The following RBMS3 variants were observed in gnomAD, a reference collection of about 807,000 sequenced individuals.
RBMS3 encodes RNA-binding motif, single-stranded-interacting protein 3.
In RBMS3, 27 loss-of-function variants were observed where a neutral mutation model predicts 66.8. The observed-to-expected ratio is 0.40, with a 90% confidence interval of 0.30 to 0.56. RBMS3 has a LOEUF of 0.56. Ranked by LOEUF, RBMS3 falls within the 20% of genes least tolerant of loss-of-function variation. The pLI is 0.40. For missense variants in RBMS3, 513 were observed against 549.5 expected, an observed-to-expected ratio of 0.93 and a Z score of 0.66; for synonymous variants, 188 against 183.0, an observed-to-expected ratio of 1.03 and a Z score of -0.22.
intron 4 of RBMS3, among the ~76,000 whole-genome samples, chr3:29,652,199 A>G (rs1249863362): frequency 6.6e-6 from 1 of 152,174 alleles, no homozygotes; most frequent in Non-Finnish European, 1.5e-5. Flanking sequence ...ATGTACAGAG[A>G]TTAATGTGGT....
intron 4 of RBMS3, among the ~76,000 whole-genome samples, chr3:29,663,101 G>GTCATACAAT (rs2050618135): frequency 6.6e-6 from 1 of 152,114 alleles, no homozygotes; most frequent in Non-Finnish European, 1.5e-5. Context: ...AACAATGTCA[G>GTCATACAAT]TCATACAATG....
At chr3:29,725,423 C>T (rs1461358849) in intron 4 of RBMS3, among the ~76,000 whole-genome samples, 2 of 151,882 alleles carry the variant, frequency 1.3e-5, no homozygotes, top group Admixed American at 6.6e-5. Flanking sequence ...TCAGTGAATC[C>T]AGGAGCTGGT....
At chr3:29,384,684 T>G (rs2038929402) in intron 1 of RBMS3, among the ~76,000 whole-genome samples, 1 of 151,946 alleles carries the variant, frequency 6.6e-6, no homozygotes, top group Non-Finnish European at 1.5e-5. Flanking sequence ...ATGTCTGGAG[T>G]CTAAATATAA....
At chr3:29,894,466 C>T (rs1264250526) in intron 8 of RBMS3, among the ~76,000 whole-genome samples, 1 of 151,428 alleles carries the variant, frequency 6.6e-6, no homozygotes, top group African/African-American at 2.4e-5. Flanking sequence ...CTTGTTATGT[C>T]CTTATATGGC....
At chr3:29,808,024 T>C (rs2057612392) in intron 6 of RBMS3, among the ~76,000 whole-genome samples, 1 of 151,940 alleles carries the variant, frequency 6.6e-6, no homozygotes, top group Non-Finnish European at 1.5e-5. Context: ...ACATACCACA[T>C]TGATTGGGTG....
chr3:29,566,732 G>T (rs1676420590), intron 3 of RBMS3, among the ~76,000 whole-genome samples: 1 of 151,654 alleles, frequency 6.6e-6, no homozygotes, highest in South Asian at 2.1e-4. Context: ...TGTAATGACA[G>T]ATGCCTGGTT....
rs1699851224 is a variant in RBMS3 at position 30,008,032 on chromosome 3, T to G, written c.*4170T>G. 1 of 152,030 alleles carries G rather than the reference T, an allele frequency of 6.6e-6. No homozygotes were observed. Among genetic ancestry groups the G allele is most frequent in the African/African-American group, 2.4e-5 (1 of 41,402 alleles). The allele number at this position is 152,030 out of a possible 1,614,324, so 9.4% of individuals were successfully genotyped here. On this transcript the variant is annotated 3_prime_UTR_variant, in exon 15 of 15. Coordinates refer to ENST00000383767, the MANE Select transcript of RBMS3 (RefSeq NM_001003793.3). ...ATCTTTGGACCCCTTGCAAAGTGCT[T>G]TAAAAGTACTTTCAATTTATGCATG...
chr3:29,500,079 T>G lies in RBMS3; in HGVS notation c.307+11580T>G, dbSNP rs562711837. Reference sequence around the variant, plus strand: ...GAGAAGGATTTTCTTTTTTTTTTTTTGTAAAAAAGAAGAATTACATAAGGT... The same window carrying G: ...GAGAAGGATTTTCTTTTTTTTTTTTGGTAAAAAAGAAGAATTACATAAGGT... On this transcript the variant is annotated intron_variant, in intron 3 of 14. Transcript: ENST00000383767. Among the ~76,000 whole-genome samples the G allele has an allele frequency of 3.3e-5, 5 of 150,668 alleles. No individual in the cohort carries two copies. The East Asian group carries it at 7.8e-4, about 24-fold the overall frequency.
At chr3:29,621,898 C>G (rs1323809632) in intron 4 of RBMS3, among the ~76,000 whole-genome samples, 1 of 152,112 alleles carries the variant, frequency 6.6e-6, no homozygotes, top group Non-Finnish European at 1.5e-5. Context: ...TTTGGGATGC[C>G]TAATCTAGTC....
chr3:29,964,256 A>G (rs2149743469), intron 12 of RBMS3, among the ~76,000 whole-genome samples: 1 of 152,310 alleles, frequency 6.6e-6, no homozygotes, highest in South Asian at 2.1e-4. Flanking sequence ...ACCATGTGAA[A>G]TTTAGTTTTA....
At chr3:29,417,130 T>G (rs2040510037) in intron 1 of RBMS3, among the ~76,000 whole-genome samples, 2 of 152,128 alleles carry the variant, frequency 1.3e-5, no homozygotes. Context: ...CTGAAGTGTG[T>G]CAGGGAATTA....
intron 4 of RBMS3, among the ~76,000 whole-genome samples, chr3:29,678,255 TCAAAA>T (rs2051335267): frequency 6.6e-6 from 1 of 152,136 alleles, no homozygotes; most frequent in African/African-American, 2.4e-5. Context: ...AGAAGGGATT[TCAAAA>T]TATATGTTAA....
chr3:29,684,497 A>G (rs2051629170), intron 4 of RBMS3, among the ~76,000 whole-genome samples: 1 of 152,198 alleles, frequency 6.6e-6, no homozygotes, highest in Non-Finnish European at 1.5e-5. Context: ...TGGTAAAAAA[A>G]TAACCTCTAG....
intron 14 of RBMS3, among the ~76,000 whole-genome samples, chr3:30,001,133 A>AT (rs1407949277): frequency 1.3e-5 from 2 of 151,986 alleles, no homozygotes; most frequent in South Asian, 2.1e-4. Flanking sequence ...TTCAAGGACA[A>AT]TTTTTTTAAA....
rs528213802 is a variant in RBMS3, at chr3:29,327,254, A to T, written c.75+45498A>T. Among the ~76,000 whole-genome samples, 6 of 152,210 alleles carry T rather than the reference A, an allele frequency of 3.9e-5. No homozygotes were observed. In the East Asian group the frequency reaches 1.2e-3, roughly 29 times the overall value. ...AGGTTCTCTTTATCTCCTTTGCTTC[A>T]TATTAGTGTTTATTTTGATGATGAT... is the stretch of plus-strand genomic sequence containing the variant. On this transcript the variant is annotated intron_variant, in intron 1 of 14. Coordinates refer to ENST00000383767, the MANE Select transcript of RBMS3 (RefSeq NM_001003793.3).
intron 2 of RBMS3, among the ~76,000 whole-genome samples, chr3:29,448,523 C>T (rs1001185287): frequency 1.2e-4 from 18 of 152,196 alleles, no homozygotes; most frequent in Non-Finnish European, 2.6e-4. Context: ...TACAACTTTA[C>T]GCTAAATCTG....
chr3:29,385,799 A>T (rs74685215), intron 1 of RBMS3, among the ~76,000 whole-genome samples: 202 of 151,706 alleles, frequency 1.3e-3, no homozygotes, highest in African/African-American at 4.7e-3. Context: ...ATTACTAAAA[A>T]CCCTTCATAA....
chr3:29,547,737 G>A lies in RBMS3; in HGVS notation c.308-39377G>A, dbSNP rs1365504154. On this transcript the variant is annotated intron_variant, in intron 3 of 14. Coordinates refer to ENST00000383767, the MANE Select transcript of RBMS3 (RefSeq NM_001003793.3). ...AGTCCAAGTCTTCAGAGAATAGTCT[G>A]TACAGATCTGCTAGGAGCAGAGTCA... is the stretch of plus-strand genomic sequence containing the variant. Among the ~76,000 whole-genome samples, 8 of 150,646 alleles carry A rather than the reference G, an allele frequency of 5.3e-5. 1 individual carries two copies. In the South Asian group the frequency reaches 1.7e-3, roughly 32 times the overall value.
At chr3:29,359,645 G>T (rs1365913097) in intron 1 of RBMS3, among the ~76,000 whole-genome samples, 2 of 152,202 alleles carry the variant, frequency 1.3e-5, no homozygotes, top group African/African-American at 4.8e-5. Flanking sequence ...TTGTACCTCT[G>T]GTAGAATTCA....
Sources: allele counts gnomAD v4.1 joint callset (sites outside exome capture counted in the v4.1 genomes callset), GRCh38; gene constraint gnomAD v4.1.1; transcripts MANE v1.5; gene names NCBI Gene and HGNC (gene_info 2026-07-23, HGNC 2026-07-21).